Variants in REL observed in about 807,000 individuals in gnomAD.
REL encodes the protein REL proto-oncogene, NF-kB subunit.
REL carries 15 observed loss-of-function variants against 45.9 expected under a neutral mutation model. That is an observed-to-expected ratio of 0.33 (90% confidence interval 0.22 to 0.50). The LOEUF (loss-of-function observed/expected upper bound fraction) is 0.50. Ranked by LOEUF, REL falls within the 20% of genes least tolerant of loss-of-function variation. The pLI is 0.98. For synonymous variants in REL, 239 were observed against 242.1 expected (o/e 0.99, Z 0.12); for missense variants, 601 against 715.2 (o/e 0.84, Z 1.82).
chr2:60,921,747 A>AT lies in REL; in HGVS notation c.992-11dup. ...TGTTCATTTTAATTTCGTAAAATAAATTTTTCCTCCCACAGAACCAAACTT... is the reference window on the plus strand; with the variant it reads ...TGTTCATTTTAATTTCGTAAAATAAATTTTTTCCTCCCACAGAACCAAACTT... On this transcript the variant is annotated splice_polypyrimidine_tract_variant and intron_variant, in intron 9 of 9. Transcript: ENST00000394479. 3.2e-6 allele frequency: 5 copies of AT among 1,561,652 alleles called. No homozygotes were observed.
chr2:60,918,778 G>C (rs888765551), intron 7 of REL, among the ~76,000 whole-genome samples, 172 bp downstream of exon 7: 1 of 151,772 alleles, frequency 6.6e-6, no homozygotes, highest in Non-Finnish European at 1.5e-5. Flanking sequence ...TTTATTTGTT[G>C]GGTTGTTTTT....
chr2:60,925,778 T>C lies in REL; in HGVS notation c.*3243T>C, dbSNP rs1304877617. The C allele has an allele frequency of 4.8e-6, 1 of 207,498 alleles. No individual in the cohort carries two copies. Among genetic ancestry groups the C allele is most frequent in the African/African-American group, 2.3e-5 (1 of 43,814 alleles). 12.9% of individuals were successfully genotyped at this position (207,498 alleles called of 1,614,324 possible). ...TTTAAACACTGACTGTTAGAATAGCTGCATGGGTTTTTTTCTTTAAACTAA... is the reference window on the plus strand; with the variant it reads ...TTTAAACACTGACTGTTAGAATAGCCGCATGGGTTTTTTTCTTTAAACTAA... On this transcript the variant is annotated 3_prime_UTR_variant, in exon 10 of 10. Coordinates refer to ENST00000394479, the MANE Select transcript of REL (RefSeq NM_001291746.2).
chr2:60,883,517 T>C (rs1207106563), intron 1 of REL, among the ~76,000 whole-genome samples: 1 of 152,248 alleles, frequency 6.6e-6, no homozygotes, highest in African/African-American at 2.4e-5. Flanking sequence ...ATTTTGTTAA[T>C]GTATTGGTTA....
rs1485647295 is a variant in REL at position 60,928,796 on chromosome 2, AT to A, written c.*6262del. 1 of 147,420 alleles carries A rather than the reference AT, an allele frequency of 6.8e-6. No homozygotes were observed. The highest frequency in any genetic ancestry group is 1.5e-5 in the Non-Finnish European group (1 of 66,020). The allele number at this position is 147,420 out of a possible 1,614,324, so 9.1% of individuals were successfully genotyped here. A position where few individuals can be genotyped will look rare whatever the true frequency, so the allele number is the denominator to read the frequency against. ...CTTCATGTCTAAAACACCAAAAGCAATGGCAACAAAAGCCAAAATTGACAAA... is the reference window on the plus strand; with the variant it reads ...CTTCATGTCTAAAACACCAAAAGCAAGGCAACAAAAGCCAAAATTGACAAA... On this transcript the variant is annotated 3_prime_UTR_variant, in exon 10 of 10. Coordinates refer to ENST00000394479, the MANE Select transcript of REL (RefSeq NM_001291746.2).
chr2:60,889,753 C>G (rs554829833), intron 1 of REL, among the ~76,000 whole-genome samples: 1 of 152,232 alleles, frequency 6.6e-6, no homozygotes, highest in Non-Finnish European at 1.5e-5. Context: ...CCAGCTTCAT[C>G]TATGTCCCTA....
intron 1 of REL, among the ~76,000 whole-genome samples, chr2:60,882,221 G>A (rs1213429508): frequency 6.6e-6 from 1 of 152,146 alleles, no homozygotes; most frequent in Non-Finnish European, 1.5e-5. Flanking sequence ...CAGACCTCGG[G>A]CAAGCTCTCT....
chr2:60,912,034 A>G (rs1283919818), intron 4 of REL, among the ~76,000 whole-genome samples: 2 of 151,546 alleles, frequency 1.3e-5, no homozygotes, highest in African/African-American at 2.4e-5. Flanking sequence ...TTTTCCCCCA[A>G]TTGATAAGTA....
At chr2:60,892,467 C>T (rs868346621) in intron 2 of REL, among the ~76,000 whole-genome samples, 2 of 152,104 alleles carry the variant, frequency 1.3e-5, no homozygotes, top group African/African-American at 4.8e-5. Context: ...TCACACTTGT[C>T]GCCCAGGCTG....
At chr2:60,885,805 T>C (rs536388234) in intron 1 of REL, among the ~76,000 whole-genome samples, 1 of 152,352 alleles carries the variant, frequency 6.6e-6, no homozygotes, top group Middle Eastern at 3.4e-3. Flanking sequence ...TCAGCTATTC[T>C]CAACTGTGGT....
chr2:60,919,592 A>G (rs963238707), intron 7 of REL, among the ~76,000 whole-genome samples: 1 of 151,366 alleles, frequency 6.6e-6, no homozygotes, highest in African/African-American at 2.4e-5. Context: ...CACCCGACTC[A>G]TTTTGTATTT....
Position 60,922,282 on chromosome 2 carries a change from T to C in REL, c.1511T>C (p.Leu504Pro), listed in dbSNP as rs755035900. The change falls in exon 10 of 10, where the codon CTC becomes CCC. Residue 504 changes from leucine to proline, a missense_variant. Leu to Pro is a moderately conservative substitution (Grantham distance 98). Around this residue, in one of 4 missense-constraint regions of REL, gnomAD observed 334 missense variants for 333.1 expected, o/e 1.00. Transcript: ENST00000394479. ...SVLDPRDLRQ[L>P]HQMSSSSMSA... ...TTAGACCCAAGAGACTTGAGACAGC[T>C]CCATCAGATGTCCTCTTCCAGTATG... is the stretch of plus-strand genomic sequence containing the variant. 6 of 1,614,174 alleles carry C rather than the reference T, an allele frequency of 3.7e-6. No individual in the cohort carries two copies. Among genetic ancestry groups the C allele is most frequent in the Admixed American group, 3.3e-5 (2 of 60,018 alleles).
Position 60,929,059 on chromosome 2 carries a change from C to A in REL, c.*6524C>A, listed in dbSNP as rs892823309. Reference sequence around the variant, plus strand: ...AGAAGACATTTATGCAGCCAAAAAACACATGAAAAAATGCTCATCATGACT... The same window carrying A: ...AGAAGACATTTATGCAGCCAAAAAAAACATGAAAAAATGCTCATCATGACT... On this transcript the variant is annotated 3_prime_UTR_variant, in exon 10 of 10. Coordinates refer to ENST00000394479, the MANE Select transcript of REL (RefSeq NM_001291746.2). The A allele has an allele frequency of 6.7e-6, 1 of 148,896 alleles. No homozygotes were observed. The highest frequency in any genetic ancestry group is 1.5e-5 in the Non-Finnish European group (1 of 66,604). The allele number at this position is 148,896 out of a possible 1,614,324, so 9.2% of individuals were successfully genotyped here.
chr2:60,901,893 G>T (rs1030451482), intron 4 of REL, among the ~76,000 whole-genome samples: 2 of 152,098 alleles, frequency 1.3e-5, no homozygotes, highest in African/African-American at 2.4e-5. Context: ...TTTTATTGGG[G>T]ATAGCATTTA....
At chr2:60,892,865 C>T (rs1176836760) in intron 2 of REL, among the ~76,000 whole-genome samples, 1 of 152,114 alleles carries the variant, frequency 6.6e-6, no homozygotes, top group Non-Finnish European at 1.5e-5. Context: ...AGCAGTTCTC[C>T]CGTCTCAGCC....
At chr2:60,896,448 A>G (rs1673353502) in intron 3 of REL, among the ~76,000 whole-genome samples, 1 of 152,130 alleles carries the variant, frequency 6.6e-6, no homozygotes, top group South Asian at 2.1e-4. Flanking sequence ...GTAGGGTTTT[A>G]TGTTTTTCTT....
Position 60,930,916 on chromosome 2 carries a change from A to G in REL, c.*8381A>G, listed in dbSNP as rs1224933085. On this transcript the variant is annotated 3_prime_UTR_variant, in exon 10 of 10. Coordinates refer to ENST00000394479, the MANE Select transcript of REL (RefSeq NM_001291746.2). ...AGTAATACACAGTAATTAGTACAGC[A>G]TGTTGCTTCTTCAACAAATTGAGTT... is the stretch of plus-strand genomic sequence containing the variant. The G allele has an allele frequency of 3.3e-5, 5 of 152,392 alleles. No homozygotes were observed. The highest frequency in any genetic ancestry group is 1.2e-4 in the African/African-American group (5 of 41,474). The allele number at this position is 152,392 out of a possible 1,614,324, so 9.4% of individuals were successfully genotyped here.
intron 4 of REL, among the ~76,000 whole-genome samples, chr2:60,903,748 G>C (rs13027883): frequency 0.23 from 34,338 of 151,968 alleles, 4,043 homozygotes; most frequent in Middle Eastern, 0.38. Flanking sequence ...CCAGCCTGGT[G>C]TTGAACTCCC....
chr2:60,890,620 T>C (rs574787376), intron 1 of REL, among the ~76,000 whole-genome samples: 1 of 152,300 alleles, frequency 6.6e-6, no homozygotes, highest in Non-Finnish European at 1.5e-5. Flanking sequence ...CTATTTACCT[T>C]TTCCCCCACA....
rs1157553714 is a variant in REL at position 60,929,078 on chromosome 2, C to A, written c.*6543C>A. On this transcript the variant is annotated 3_prime_UTR_variant, in exon 10 of 10. Transcript: ENST00000394479. The stretch of plus-strand genomic sequence containing the variant: ...AAAAAACACATGAAAAAATGCTCAT[C>A]ATGACTGGCCATCAGAGAAATGCAA... 2 of 144,054 alleles carry A rather than the reference C, an allele frequency of 1.4e-5. No homozygotes were observed. Among genetic ancestry groups the A allele is most frequent in the Admixed American group, 6.8e-5 (1 of 14,622 alleles). The allele number at this position is 144,054 out of a possible 1,614,324, so 8.9% of individuals were successfully genotyped here.
Sources: allele counts gnomAD v4.1 joint callset (sites outside exome capture counted in the v4.1 genomes callset), GRCh38; gene constraint gnomAD v4.1.1; regional missense constraint gnomAD v4.1.1; transcripts MANE v1.5; gene names NCBI Gene and HGNC (gene_info 2026-07-23, HGNC 2026-07-21).